WWTR1: variants seen among roughly 807,000 people sequenced by gnomAD.
WWTR1 encodes WW domain-containing transcription regulator protein 1.
Under a neutral mutation model 40.1 loss-of-function variants are expected in WWTR1, and 13 were observed. That is an observed-to-expected ratio of 0.32 (90% confidence interval 0.21 to 0.52). The LOEUF is 0.52. WWTR1 is among the 20% of genes least tolerant of loss of function. WWTR1 has a pLI of 0.97. For synonymous variants in WWTR1, 230 were observed against 210.1 expected, an observed-to-expected ratio of 1.09 and a Z score of -0.82; for missense variants, 436 against 523.1, an observed-to-expected ratio of 0.83 and a Z score of 1.63.
intron 1 of WWTR1, among the ~76,000 whole-genome samples, chr3:149,693,905 C>T (rs1203052975): frequency 6.6e-6 from 1 of 151,816 alleles, no homozygotes; most frequent in African/African-American, 2.4e-5. Context: ...AATATAAGAC[C>T]TGAAACTATA....
chr3:149,634,251 A>C (rs1334730665), intron 2 of WWTR1, among the ~76,000 whole-genome samples: 1 of 152,210 alleles, frequency 6.6e-6, no homozygotes, highest in African/African-American at 2.4e-5. Flanking sequence ...TGCCCTGTAC[A>C]TCAGTTTTCT....
intron 5 of WWTR1, among the ~76,000 whole-genome samples, chr3:149,708,885 C>G (rs1451051611): frequency 7.9e-5 from 12 of 152,166 alleles, no homozygotes; most frequent in Non-Finnish European, 1.5e-5. Context: ...TGAAGAATCT[C>G]CATACTGTTT....
intron 1 of WWTR1, among the ~76,000 whole-genome samples, chr3:149,685,138 G>A (rs1397887412): frequency 6.6e-6 from 1 of 152,114 alleles, no homozygotes; most frequent in Non-Finnish European, 1.5e-5. Flanking sequence ...AATCCTGGGA[G>A]GAATTGCCTT....
At chr3:149,541,806 T>C (rs1352861509) in intron 4 of WWTR1, among the ~76,000 whole-genome samples, 2 of 152,120 alleles carry the variant, frequency 1.3e-5, no homozygotes, top group Admixed American at 1.3e-4. Flanking sequence ...TGTTCCAGCT[T>C]AGCCCAGTCT....
intron 3 of WWTR1, among the ~76,000 whole-genome samples, chr3:149,569,775 T>C (rs1337036931): frequency 2.0e-5 from 3 of 152,212 alleles, no homozygotes; most frequent in African/African-American, 7.2e-5. Flanking sequence ...CTACATTCCA[T>C]TGAAAAGTAC....
Position 149,552,346 on chromosome 3 carries a change from C to CGAA in WWTR1, c.569-9810_569-9809insTTC, listed in dbSNP as rs1346354171. On this transcript the variant is annotated intron_variant, in intron 3 of 6. Transcript: ENST00000360632. ...AGAGTAGGCACTAAATACATTCTCCCCAAAGTAAGGTTAAGGGAGGTTAGA... is the reference window on the plus strand; with the variant it reads ...AGAGTAGGCACTAAATACATTCTCCCGAACAAAGTAAGGTTAAGGGAGGTTAGA... Among the ~76,000 whole-genome samples the CGAA allele has an allele frequency of 1.2e-4, 13 of 109,046 alleles. 1 individual carries two copies. Among genetic ancestry groups the CGAA allele is most frequent in the East Asian group, 5.8e-4 (2 of 3,476 alleles). The allele number at this position is 109,046 out of a possible 152,430, so 71.5% of individuals were successfully genotyped here.
chr3:149,622,473 G>A (rs1560089567), intron 2 of WWTR1, among the ~76,000 whole-genome samples: 5 of 107,006 alleles, frequency 4.7e-5, no homozygotes, highest in African/African-American at 1.7e-4. Flanking sequence ...AAGGAAGGAA[G>A]GAAGGAAGGA....
chr3:149,557,645 C>T (rs1297789619), intron 3 of WWTR1, among the ~76,000 whole-genome samples: 1 of 152,034 alleles, frequency 6.6e-6, no homozygotes, highest in Non-Finnish European at 1.5e-5. Context: ...TTTTCCCTGG[C>T]TTTTTTTCTC....
intron 3 of WWTR1, among the ~76,000 whole-genome samples, chr3:149,563,670 G>T (rs1237278047): frequency 6.6e-6 from 1 of 152,194 alleles, no homozygotes; most frequent in African/African-American, 2.4e-5. Flanking sequence ...AAGACTGAAC[G>T]ATTGAGTAGG....
intron 4 of WWTR1, among the ~76,000 whole-genome samples, chr3:149,721,919 G>T (rs1045810400): frequency 6.6e-6 from 1 of 152,096 alleles, no homozygotes; most frequent in Non-Finnish European, 1.5e-5. Context: ...CAACTTTCTT[G>T]TTAGCTACAG....
intron 4 of WWTR1, among the ~76,000 whole-genome samples, chr3:149,539,765 CA>C (rs1212774913): frequency 1.3e-5 from 2 of 151,954 alleles, no homozygotes; most frequent in Non-Finnish European, 2.9e-5. Flanking sequence ...GGCTTAGGTT[CA>C]AAAAGTGAAG....
chr3:149,548,272 C>G (rs1178215396), intron 3 of WWTR1, among the ~76,000 whole-genome samples: 2 of 152,172 alleles, frequency 1.3e-5, no homozygotes, highest in Non-Finnish European at 2.9e-5. Context: ...TTTGCAACAC[C>G]AGGAAACAGA....
At chr3:149,695,941 T>C (rs1714973972) in intron 1 of WWTR1, among the ~76,000 whole-genome samples, 1 of 149,808 alleles carries the variant, frequency 6.7e-6, no homozygotes, top group Non-Finnish European at 1.5e-5. Context: ...TGAAATCCCG[T>C]CTCTACCAAA....
chr3:149,597,374 T>C (rs1170327000), intron 2 of WWTR1, among the ~76,000 whole-genome samples: 4 of 134,088 alleles, frequency 3.0e-5, no homozygotes, highest in Admixed American at 1.8e-4. Flanking sequence ...AGATGGGTGA[T>C]AGATTGAGCC....
At chr3:149,723,298 C>A (rs1284181361) in intron 4 of WWTR1, among the ~76,000 whole-genome samples, 1 of 149,944 alleles carries the variant, frequency 6.7e-6, no homozygotes, top group Non-Finnish European at 1.5e-5. Flanking sequence ...AAGTGATTCT[C>A]CTGCCTCAGC....
At chr3:149,652,602 C>G (rs1712946307) in intron 2 of WWTR1, among the ~76,000 whole-genome samples, 1 of 97,334 alleles carries the variant, frequency 1.0e-5, no homozygotes, top group Non-Finnish European at 1.9e-5. Context: ...GCCTGGGTGA[C>G]AGAGACAGAC....
chr3:149,613,240 C>G (rs571552456), intron 2 of WWTR1, among the ~76,000 whole-genome samples: 22 of 152,296 alleles, frequency 1.4e-4, no homozygotes, highest in Middle Eastern at 3.4e-3. Context: ...CAGGACCAGA[C>G]AGAATCATAT....
chr3:149,581,976 G>A (rs1477177992), intron 2 of WWTR1, among the ~76,000 whole-genome samples: 3 of 152,128 alleles, frequency 2.0e-5, no homozygotes, highest in Admixed American at 6.5e-5. Flanking sequence ...TGTAATACCC[G>A]TGGTTCCTGC....
chr3:149,587,308 AG>A (rs1738472740), intron 2 of WWTR1, among the ~76,000 whole-genome samples: 1 of 152,140 alleles, frequency 6.6e-6, no homozygotes, highest in African/African-American at 2.4e-5. Flanking sequence ...AAAAGAAAAA[AG>A]TTTGATTTTT....
Sources: allele counts gnomAD v4.1 joint callset (sites outside exome capture counted in the v4.1 genomes callset), GRCh38; gene constraint gnomAD v4.1.1; transcripts MANE v1.5; gene names NCBI Gene and HGNC (gene_info 2026-07-23, HGNC 2026-07-21).